Variants in PSMD7 observed in about 807,000 individuals in gnomAD.
The protein encoded by PSMD7 is 26S proteasome non-ATPase regulatory subunit 7.
A neutral mutation model predicts 36.4 loss-of-function variants in PSMD7; 13 were observed. That is an observed-to-expected ratio of 0.36 (90% confidence interval 0.23 to 0.57). PSMD7 has a LOEUF of 0.57. PSMD7 is among the 20% of genes least tolerant of loss of function. The probability of loss-of-function intolerance (pLI) is 0.83; values close to 1 mark genes in which losing one functional copy is unlikely to be tolerated. For synonymous variants in PSMD7, 186 were observed against 151.0 expected, an observed-to-expected ratio of 1.23 and a Z score of -1.70; for missense variants, 298 against 393.6, an observed-to-expected ratio of 0.76 and a Z score of 2.06.
At position 74,296,945 on chromosome 16, in the gene PSMD7, G is replaced by A; in HGVS notation, c.31G>A (p.Val11Ile). 1 of 1,613,468 alleles carries A rather than the reference G, an allele frequency of 6.2e-7. No individual in the cohort carries two copies. Among genetic ancestry groups the A allele is most frequent in the Non-Finnish European group, 8.5e-7 (1 of 1,179,868 alleles). MPELAVQKVV[V>I]HPLVLLSVVD... ...GGAGCTGGCAGTGCAGAAGGTGGTG[G>A]TCCACCCCCTGGTGCTGCTCAGTGT... The change falls in exon 1 of 7, where the codon GTC (valine) becomes ATC (isoleucine). Residue 11 changes from valine to isoleucine, a missense_variant. Coordinates refer to ENST00000219313, the MANE Select transcript of PSMD7 (RefSeq NM_002811.5).
intron 4 of PSMD7, 92 bp downstream of exon 4, chr16:74,301,744 C>A: frequency 1.1e-6 from 1 of 941,128 alleles, no homozygotes; most frequent in Non-Finnish European, 1.7e-6. Context: ...AGTAGCAAAT[C>A]TGCTTACTGC....
In PSMD7 at chr16:74,301,117, A is replaced by T; in HGVS notation, c.232A>T (p.Met78Leu). ...TTTAGACCATGATTATTTGGAAAAC[A>T]TGTATGGAATGTTTAAGAAAGTCAA... ...WFLDHDYLENMYGMFKKVNAR... is the reference protein window; with the variant it reads ...WFLDHDYLENLYGMFKKVNAR... The change falls in exon 3 of 7, where the codon ATG (methionine) becomes TTG (leucine). Residue 78 changes from methionine (M) to leucine (L), a missense_variant. Transcript: ENST00000219313. 1 of 1,610,892 alleles carries T rather than the reference A, an allele frequency of 6.2e-7. No homozygotes were observed. Among genetic ancestry groups the T allele is most frequent in the Non-Finnish European group, 8.5e-7 (1 of 1,177,512 alleles).
intron 1 of PSMD7, among the ~76,000 whole-genome samples, chr16:74,297,946 T>G (rs1231074845): frequency 6.6e-6 from 1 of 152,068 alleles, no homozygotes; most frequent in African/African-American, 2.4e-5. Context: ...GGAATCTGAT[T>G]AGACTCCGTC....
intron 5 of PSMD7, 72 bp from the exon 6 acceptor site, chr16:74,304,231 A>C: frequency 4.5e-6 from 6 of 1,341,824 alleles, no homozygotes; most frequent in Non-Finnish European, 6.4e-6. Flanking sequence ...CAAAAGACTC[A>C]GGGTGCGAAA....
intron 4 of PSMD7, 60 bp downstream of exon 4, chr16:74,301,712 A>T: frequency 7.2e-7 from 1 of 1,385,780 alleles, no homozygotes. Context: ...AGCTCAAGTA[A>T]GAGCATCCTG....
chr16:74,304,504 C>T, intron 6 of PSMD7, 110 bp downstream of exon 6: 3 of 867,230 alleles, frequency 3.5e-6, no homozygotes, highest in Non-Finnish European at 1.8e-6. Context: ...CCTGGCCGTC[C>T]ACTAACAAGT....
intron 5 of PSMD7, 52 bp from the exon 6 acceptor site, chr16:74,304,251 T>G: frequency 2.0e-6 from 3 of 1,517,400 alleles, no homozygotes; most frequent in Non-Finnish European, 1.8e-6. Context: ...AAGGAACACA[T>G]GTCAGTTCGT....
At chr16:74,303,618 G>T (rs2034172913) in intron 5 of PSMD7, among the ~76,000 whole-genome samples, 1 of 152,038 alleles carries the variant, frequency 6.6e-6, no homozygotes, top group African/African-American at 2.4e-5. Context: ...TGGGCACTGT[G>T]GAATCGTTTG....
chr16:74,303,564 T>A (rs1374419330), intron 5 of PSMD7, among the ~76,000 whole-genome samples: 1 of 152,194 alleles, frequency 6.6e-6, no homozygotes, highest in East Asian at 1.9e-4. Context: ...ATCCTTTGAT[T>A]AATTCAGACC....
intron 4 of PSMD7, 36 bp from the exon 5 acceptor site, chr16:74,302,176 C>A: frequency 6.4e-7 from 1 of 1,551,512 alleles, no homozygotes; most frequent in Non-Finnish European, 8.9e-7. Context: ...TTGTGCTGGG[C>A]GTGAGATGAC....
intron 5 of PSMD7, 77 bp downstream of exon 5, chr16:74,302,369 G>T: frequency 8.4e-7 from 1 of 1,190,428 alleles, no homozygotes; most frequent in Non-Finnish European, 1.2e-6. Flanking sequence ...TCAATTTTCA[G>T]GTCAACAAAT....
In PSMD7 at chr16:74,302,175, G is replaced by GCATCT. The variant is rs757902264; in HGVS notation, c.358-36_358-35insATCTC. 2.7e-5 allele frequency: 42 copies of GCATCT among 1,549,294 alleles called. No homozygotes were observed. The Admixed American group carries it at 5.5e-4, about 20-fold the overall frequency. ...CCTGAAATTACCCCTTTTGTGCTGGGCGTGAGATGACTTGCTAAGATGTGT... is the reference window on the plus strand; with the variant it reads ...CCTGAAATTACCCCTTTTGTGCTGGGCATCTCGTGAGATGACTTGCTAAGATGTGT... On this transcript the variant is annotated intron_variant, in intron 4 of 6. Transcript: ENST00000219313.
At position 74,302,284 on chromosome 16, in the gene PSMD7, G is replaced by C. The variant is rs778454832; in HGVS notation, c.430G>C (p.Val144Leu). ...AGAAGCGTACATTTCAGTGGAAGAAGTCCATGATGTAAGTCATCTTGCTAT... is the reference window on the plus strand; with the variant it reads ...AGAAGCGTACATTTCAGTGGAAGAACTCCATGATGTAAGTCATCTTGCTAT... ...PTEAYISVEE[V>L]HDDGTPTSKT... The change falls in exon 5 of 7, where the codon GTC becomes CTC. Residue 144 changes from valine to leucine, a missense_variant. By Grantham distance (32) the Val-to-Leu change is conservative. Transcript: ENST00000219313. The C allele has an allele frequency of 6.2e-7, 1 of 1,613,708 alleles. No homozygotes were observed. The highest frequency in any genetic ancestry group is 8.5e-7 in the Non-Finnish European group (1 of 1,179,768).
Position 74,305,435 on chromosome 16 carries a change from T to A in PSMD7, c.677T>A (p.Ile226Asn). The change falls in exon 7 of 7, where the codon ATC becomes AAC. Residue 226 changes from isoleucine (I) to asparagine (N), a missense_variant. Coordinates refer to ENST00000219313, the MANE Select transcript of PSMD7 (RefSeq NM_002811.5). ...ATGKLPINHQ[I>N]IYQLQDVFNL... is the part of the protein sequence containing the mutation. The stretch of plus-strand genomic sequence containing the variant: ...GGCAAGCTGCCCATCAACCACCAGA[T>A]CATCTACCAGCTGCAGGACGTCTTC... The A allele has an allele frequency of 6.2e-7, 1 of 1,614,126 alleles. No individual in the cohort carries two copies. The highest frequency in any genetic ancestry group is 1.1e-5 in the South Asian group (1 of 91,082).
intron 1 of PSMD7, among the ~76,000 whole-genome samples, chr16:74,297,940 T>A (rs1325056241): frequency 6.6e-6 from 1 of 152,010 alleles, no homozygotes; most frequent in Non-Finnish European, 1.5e-5. Context: ...TAAATGGGAA[T>A]CTGATTAGAC....
At chr16:74,304,495 C>A in intron 6 of PSMD7, 101 bp downstream of exon 6, 6 of 998,916 alleles carry the variant, frequency 6.0e-6, no homozygotes, top group Non-Finnish European at 9.1e-6. Context: ...GGGTCTCGTC[C>A]TGGCCGTCCA....
rs749753910 is a variant in PSMD7, at chr16:74,300,071, T to C, written c.75-44T>C. On this transcript the variant is annotated intron_variant, in intron 1 of 6. Transcript: ENST00000219313. ...AGTATCTTATTGTTGGGTTCATGTT[T>C]CTGTGCGAGCCTATCCACACTGACC... is the stretch of plus-strand genomic sequence containing the variant. 19 of 1,522,074 alleles carry C rather than the reference T, an allele frequency of 1.2e-5. No homozygotes were observed. In the South Asian group the frequency reaches 2.1e-4, roughly 17 times the overall value. 94.3% of individuals were successfully genotyped at this position (1,522,074 alleles called of 1,614,324 possible).
At chr16:74,301,192 G>A (rs1362434649) in intron 3 of PSMD7, 48 bp downstream of exon 3, 6 of 1,288,358 alleles carry the variant, frequency 4.7e-6, no homozygotes, top group Non-Finnish European at 6.6e-6. Context: ...TGAACTGTGT[G>A]TATGGGGGTC....
chr16:74,304,163 C>G (rs1483622933), intron 5 of PSMD7, 140 bp from the exon 6 acceptor site: 1 of 693,146 alleles, frequency 1.4e-6, no homozygotes, highest in Non-Finnish European at 2.6e-6. Flanking sequence ...GTAAGCCTTA[C>G]CCACCCTTGC....
Sources: gnomAD v4.1 joint callset for allele counts (sites outside exome capture counted in the v4.1 genomes callset) on GRCh38, gnomAD v4.1.1 for gene constraint, MANE v1.5 for transcripts, NCBI Gene and HGNC (gene_info 2026-07-23, HGNC 2026-07-21) for gene names.